SGCZ: variants seen among roughly 807,000 people sequenced by gnomAD.
SGCZ encodes zeta-sarcoglycan.
Under a neutral mutation model 41.3 loss-of-function variants are expected in SGCZ, and 40 were observed. That is an observed-to-expected ratio of 0.97 (90% CI 0.75 to 1.26). The LOEUF (loss-of-function observed/expected upper bound fraction) is 1.26. SGCZ is among the 50% of genes most tolerant of loss of function. SGCZ has a pLI of 0.00. For synonymous variants in SGCZ, 206 were observed against 137.5 expected (o/e 1.50, Z -3.49); for missense variants, 552 against 369.8 (o/e 1.49, Z -4.04).
intron 1 of SGCZ, among the ~76,000 whole-genome samples, chr8:14,866,521 A>G (rs1296133795): frequency 6.6e-6 from 1 of 152,102 alleles, no homozygotes; most frequent in Non-Finnish European, 1.5e-5. Flanking sequence ...CATATATATG[A>G]GACTTGGGCT....
chr8:15,046,580 T>C (rs759792266), intron 1 of SGCZ, among the ~76,000 whole-genome samples: 1 of 152,016 alleles, frequency 6.6e-6, no homozygotes, highest in Non-Finnish European at 1.5e-5. Flanking sequence ...TAAGATATTC[T>C]AGACTTATCT....
At chr8:14,682,646 G>A (rs1808486231) in intron 1 of SGCZ, among the ~76,000 whole-genome samples, 1 of 152,120 alleles carries the variant, frequency 6.6e-6, no homozygotes, top group African/African-American at 2.4e-5. Flanking sequence ...GTGTTAGCCA[G>A]GATGGTCTCG....
At chr8:14,982,910 G>A (rs550712980) in intron 1 of SGCZ, among the ~76,000 whole-genome samples, 1 of 152,136 alleles carries the variant, frequency 6.6e-6, no homozygotes, top group Non-Finnish European at 1.5e-5. Flanking sequence ...TTGCTATATG[G>A]CATATACTTG....
chr8:14,465,368 G>C (rs1452957928), intron 2 of SGCZ, among the ~76,000 whole-genome samples: 1 of 151,550 alleles, frequency 6.6e-6, no homozygotes, highest in Non-Finnish European at 1.5e-5. Flanking sequence ...TCTGATATTA[G>C]TTTAACTATC....
intron 2 of SGCZ, among the ~76,000 whole-genome samples, chr8:14,377,483 G>A (rs1050054741): frequency 6.6e-6 from 1 of 151,134 alleles, no homozygotes. Flanking sequence ...GGTATCCTGA[G>A]AACCCTTGAT....
chr8:14,527,629 T>C (rs967911738), intron 2 of SGCZ, among the ~76,000 whole-genome samples: 1 of 152,116 alleles, frequency 6.6e-6, no homozygotes, highest in Non-Finnish European at 1.5e-5. Context: ...AGCCACAAGG[T>C]ACACATGACT....
chr8:15,057,784 A>T (rs1804767465), intron 1 of SGCZ, among the ~76,000 whole-genome samples: 1 of 152,202 alleles, frequency 6.6e-6, no homozygotes, highest in African/African-American at 2.4e-5. Flanking sequence ...ATCATATTCA[A>T]CTAAATGATT....
intron 1 of SGCZ, among the ~76,000 whole-genome samples, chr8:14,598,658 A>C (rs1379940526): frequency 6.6e-6 from 1 of 151,440 alleles, no homozygotes; most frequent in East Asian, 1.9e-4. Context: ...CTCCCAAATA[A>C]CTTGGACTAT....
chr8:14,423,953 C>A (rs1041630892), intron 2 of SGCZ, among the ~76,000 whole-genome samples: 1 of 151,708 alleles, frequency 6.6e-6, no homozygotes, highest in Non-Finnish European at 1.5e-5. Context: ...ATAATAAATG[C>A]AAAAACAGAA....
chr8:14,454,964 G>T (rs569799592), intron 2 of SGCZ, among the ~76,000 whole-genome samples: 1 of 152,278 alleles, frequency 6.6e-6, no homozygotes, highest in East Asian at 1.9e-4. Flanking sequence ...TGAAGTTGGT[G>T]TAGGAAAAGT....
intron 1 of SGCZ, among the ~76,000 whole-genome samples, chr8:14,677,780 A>T (rs1430372110): frequency 3.3e-5 from 5 of 152,162 alleles, no homozygotes; most frequent in Non-Finnish European, 1.5e-5. Flanking sequence ...AAATAAATAA[A>T]TACATAAATA....
intron 4 of SGCZ, among the ~76,000 whole-genome samples, chr8:14,182,718 C>T (rs1052824352): frequency 4.6e-5 from 7 of 152,042 alleles, no homozygotes; most frequent in East Asian, 1.9e-4. Flanking sequence ...ATAAAACTGA[C>T]TAATGTATGG....
At chr8:14,763,862 T>G (rs1000061894) in intron 1 of SGCZ, among the ~76,000 whole-genome samples, 1 of 152,232 alleles carries the variant, frequency 6.6e-6, no homozygotes, top group Non-Finnish European at 1.5e-5. Context: ...AGTTAGGAAC[T>G]ATGAGTTTCT....
chr8:14,184,385 T>G (rs951179496), intron 4 of SGCZ, among the ~76,000 whole-genome samples: 6 of 152,224 alleles, frequency 3.9e-5, no homozygotes, highest in Non-Finnish European at 8.8e-5. Flanking sequence ...TAAATGATTT[T>G]TAGTCTTATG....
intron 1 of SGCZ, among the ~76,000 whole-genome samples, chr8:14,629,127 A>G (rs1340324688): frequency 2.0e-5 from 3 of 152,116 alleles, no homozygotes; most frequent in African/African-American, 7.2e-5. Context: ...CAGAAAATTG[A>G]AGCCCCTATA....
At chr8:15,022,401 T>C (rs1198160468) in intron 1 of SGCZ, among the ~76,000 whole-genome samples, 2 of 152,154 alleles carry the variant, frequency 1.3e-5, no homozygotes, top group Non-Finnish European at 2.9e-5. Context: ...TGGAGTGCAG[T>C]GGCACAATCT....
intron 1 of SGCZ, among the ~76,000 whole-genome samples, chr8:15,100,635 C>G (rs1806572114): frequency 6.6e-6 from 1 of 152,052 alleles, no homozygotes; most frequent in Admixed American, 6.5e-5. Context: ...CTCAGAATAG[C>G]CAACACAATA....
At chr8:14,550,693 G>C (rs543792007) in intron 2 of SGCZ, among the ~76,000 whole-genome samples, 159 of 152,012 alleles carry the variant, frequency 1.0e-3, no homozygotes, top group African/African-American at 3.6e-3. Context: ...CCAGCAATAG[G>C]AGACCTGGGA....
chr8:14,477,919 G>C (rs1026159582), intron 2 of SGCZ, among the ~76,000 whole-genome samples: 6 of 152,134 alleles, frequency 3.9e-5, no homozygotes, highest in Non-Finnish European at 8.8e-5. Flanking sequence ...GAGATTTTTA[G>C]ACTTTAAGGA....
Sources: allele counts gnomAD v4.1 joint callset (sites outside exome capture counted in the v4.1 genomes callset), GRCh38; gene constraint gnomAD v4.1.1; transcripts MANE v1.5; gene names NCBI Gene and HGNC (gene_info 2026-07-23, HGNC 2026-07-21).